Variants in DPYD observed in about 807,000 individuals in gnomAD.
The protein encoded by DPYD is dihydropyrimidine dehydrogenase [NADP(+)].
A neutral mutation model predicts 116.2 loss-of-function variants in DPYD; 109 were observed. That is an observed-to-expected ratio of 0.94 (90% CI 0.80 to 1.10). The LOEUF (loss-of-function observed/expected upper bound fraction) is 1.10. Among genes scored for constraint, DPYD ranks in the 50% least tolerant of loss-of-function variants. The pLI, the probability that DPYD is intolerant of heterozygous loss-of-function variation, is 0.00. For synonymous variants in DPYD, 440 were observed against 432.0 expected, an observed-to-expected ratio of 1.02 and a Z score of -0.23; for missense variants, 1,302 against 1,254.5, an observed-to-expected ratio of 1.04 and a Z score of -0.57.
intron 8 of DPYD, among the ~76,000 whole-genome samples, chr1:97,671,932 C>T (rs996547292): frequency 2.7e-5 from 4 of 148,532 alleles, no homozygotes; most frequent in South Asian, 2.1e-4. Context: ...TATTTATTTA[C>T]GTATTTATCT....
At chr1:97,396,001 T>C (rs536008918) in intron 14 of DPYD, among the ~76,000 whole-genome samples, 85 of 152,104 alleles carry the variant, frequency 5.6e-4, no homozygotes, top group African/African-American at 2.0e-3. Flanking sequence ...GTTAAGCAAA[T>C]TGCTAACATC....
chr1:97,589,655 T>G (rs1368130292), intron 10 of DPYD, among the ~76,000 whole-genome samples: 1 of 152,234 alleles, frequency 6.6e-6, no homozygotes, highest in African/African-American at 2.4e-5. Flanking sequence ...ATAATTCATA[T>G]TTGTCACTAA....
chr1:97,104,939 T>A (rs1375679074), intron 20 of DPYD, among the ~76,000 whole-genome samples: 2 of 152,104 alleles, frequency 1.3e-5, no homozygotes, highest in Admixed American at 6.6e-5. Context: ...TGCTTTCTGC[T>A]AAGTGCTGTG....
chr1:97,228,006 A>G (rs1004875314), intron 19 of DPYD, among the ~76,000 whole-genome samples: 1 of 151,950 alleles, frequency 6.6e-6, no homozygotes, highest in African/African-American at 2.4e-5. Context: ...TAAAAATATT[A>G]TCTTTACAAT....
chr1:97,779,998 C>G lies in DPYD; in HGVS notation c.234-39519G>C, dbSNP rs915992646. ...GTGCCTAATATATAATGGCTACTTACATAACTTAATTTCTACATTGTTTGA... is the reference window on the plus strand; with the variant it reads ...GTGCCTAATATATAATGGCTACTTAGATAACTTAATTTCTACATTGTTTGA... On this transcript the variant is annotated intron_variant, in intron 3 of 22. Transcript: ENST00000370192. 4.6e-5 allele frequency among the ~76,000 whole-genome samples: 7 copies of G among 152,276 alleles called. No individual in the cohort carries two copies. The East Asian group carries it at 1.2e-3, about 25-fold the overall frequency.
chr1:97,257,558 T>C (rs1469552781), intron 18 of DPYD, among the ~76,000 whole-genome samples: 1 of 150,270 alleles, frequency 6.7e-6, no homozygotes, highest in Non-Finnish European at 1.5e-5. Flanking sequence ...TGTATACGTA[T>C]ATATATATTT....
At chr1:97,764,423 A>C (rs1043485946) in intron 3 of DPYD, among the ~76,000 whole-genome samples, 2 of 152,052 alleles carry the variant, frequency 1.3e-5, no homozygotes, top group Admixed American at 1.3e-4. Flanking sequence ...TTTAGATTTT[A>C]ACTATCTATT....
At chr1:97,472,771 G>GA (rs1677733315) in intron 13 of DPYD, among the ~76,000 whole-genome samples, 2 of 152,102 alleles carry the variant, frequency 1.3e-5, no homozygotes, top group Admixed American at 1.3e-4. Flanking sequence ...CATAATGAGA[G>GA]AAAAATATAG....
chr1:97,364,186 G>A (rs950797450), intron 16 of DPYD, among the ~76,000 whole-genome samples: 31 of 152,156 alleles, frequency 2.0e-4, no homozygotes, highest in Admixed American at 1.0e-3. Flanking sequence ...TACAGTTTTG[G>A]TGTGGTCAAG....
At chr1:97,546,187 A>G in intron 12 of DPYD, 1 of 1,501,448 alleles carries the variant, frequency 6.7e-7, no homozygotes, top group Non-Finnish European at 9.3e-7. Context: ...GGGCAGGGTG[A>G]AACTAACAAG....
At chr1:97,109,639 T>C (rs1449203334) in intron 20 of DPYD, among the ~76,000 whole-genome samples, 1 of 152,050 alleles carries the variant, frequency 6.6e-6, no homozygotes, top group Non-Finnish European at 1.5e-5. Context: ...ATATGATACC[T>C]AATATCCTCC....
intron 16 of DPYD, among the ~76,000 whole-genome samples, chr1:97,363,908 A>C (rs919235400): frequency 6.6e-6 from 1 of 152,192 alleles, no homozygotes; most frequent in Admixed American, 6.5e-5. Flanking sequence ...TACGTAACAA[A>C]CCTGCACGTT....
intron 10 of DPYD, among the ~76,000 whole-genome samples, chr1:97,575,445 G>C (rs1481769154): frequency 6.6e-6 from 1 of 151,942 alleles, no homozygotes; most frequent in East Asian, 1.9e-4. Context: ...TCCCAAAAAG[G>C]GTAAGAAGAA....
intron 11 of DPYD, among the ~76,000 whole-genome samples, chr1:97,562,569 T>A (rs1385605489): frequency 6.6e-6 from 1 of 152,106 alleles, no homozygotes; most frequent in Non-Finnish European, 1.5e-5. Context: ...TTAGGCAGGA[T>A]CCCCAAATGG....
chr1:97,809,638 C>A, intron 3 of DPYD, among the ~76,000 whole-genome samples: 1 of 152,090 alleles, frequency 6.6e-6, no homozygotes, highest in East Asian at 1.9e-4. Context: ...CAAGACAAAT[C>A]AGTGGTCACA....
chr1:97,441,607 T>G (rs1323776785), intron 14 of DPYD, among the ~76,000 whole-genome samples: 1 of 152,202 alleles, frequency 6.6e-6, no homozygotes, highest in Non-Finnish European at 1.5e-5. Flanking sequence ...GGAATATAAT[T>G]ATAACAGCTT....
intron 5 of DPYD, chr1:97,720,989 T>A: frequency 6.3e-7 from 1 of 1,576,958 alleles, no homozygotes; most frequent in Non-Finnish European, 8.6e-7. Context: ...TTTACCCAAA[T>A]AAAAGACCTG....
chr1:97,189,026 T>C (rs754005245), intron 20 of DPYD, among the ~76,000 whole-genome samples: 18 of 152,208 alleles, frequency 1.2e-4, no homozygotes, highest in Non-Finnish European at 2.1e-4. Context: ...AGTCAAGTGA[T>C]TACTAATTCT....
At chr1:97,572,111 C>T (rs1308762001) in intron 11 of DPYD, among the ~76,000 whole-genome samples, 1 of 151,798 alleles carries the variant, frequency 6.6e-6, no homozygotes, top group Non-Finnish European at 1.5e-5. Flanking sequence ...AGCGAAGAAA[C>T]ATTTTTTTCC....
Sources: allele counts gnomAD v4.1 joint callset (sites outside exome capture counted in the v4.1 genomes callset), GRCh38; gene constraint gnomAD v4.1.1; transcripts MANE v1.5; gene names NCBI Gene and HGNC (gene_info 2026-07-23, HGNC 2026-07-21).